The following PTN variants were observed in gnomAD, a reference collection of about 807,000 sequenced individuals.
The protein encoded by PTN is heparin affin regulatory protein.
In PTN, 18 loss-of-function variants were observed where a neutral mutation model predicts 24.1. That is an observed-to-expected ratio of 0.75 (90% confidence interval 0.52 to 1.11). PTN has a LOEUF of 1.11. Ranked by LOEUF, PTN falls within the 50% of genes least tolerant of loss-of-function variation. The pLI is 0.00. For missense variants in PTN, 163 were observed against 198.8 expected (o/e 0.82, Z 1.08); for synonymous variants, 78 against 68.6 (o/e 1.14, Z -0.67).
intron 1 of PTN, among the ~76,000 whole-genome samples, chr7:137,261,291 C>T (rs1224943261): frequency 6.6e-6 from 1 of 151,874 alleles, no homozygotes; most frequent in Non-Finnish European, 1.5e-5. Context: ...TTATTTCCAG[C>T]CCATTTTCTG....
chr7:137,340,341 G>A (rs987636420), intron 1 of PTN, among the ~76,000 whole-genome samples: 12 of 152,042 alleles, frequency 7.9e-5, no homozygotes, highest in Admixed American at 6.6e-4. Context: ...TGCCAAAATA[G>A]AAAGAAAAAG....
At chr7:137,237,386 GTC>G (rs1321215357) in intron 4 of PTN, among the ~76,000 whole-genome samples, 1 of 152,094 alleles carries the variant, frequency 6.6e-6, no homozygotes, top group Non-Finnish European at 1.5e-5. Context: ...AATCTACTGA[GTC>G]TATGGTACTT....
intron 1 of PTN, among the ~76,000 whole-genome samples, chr7:137,279,629 GAAAT>G (rs998872103): frequency 5.2e-4 from 79 of 152,224 alleles, no homozygotes; most frequent in African/African-American, 1.8e-3. Context: ...AGAAAAATTG[GAAAT>G]AAATAAACTA....
intron 1 of PTN, among the ~76,000 whole-genome samples, chr7:137,291,471 C>T (rs1809637889): frequency 6.6e-6 from 1 of 152,088 alleles, no homozygotes; most frequent in Non-Finnish European, 1.5e-5. Context: ...TAGAGCAAGG[C>T]TCACATCTTC....
chr7:137,231,193 A>G (rs921450085), intron 4 of PTN, among the ~76,000 whole-genome samples: 3 of 152,072 alleles, frequency 2.0e-5, no homozygotes, highest in Non-Finnish European at 4.4e-5. Context: ...CCTTGTGTGT[A>G]AAAGCTGATT....
intron 1 of PTN, among the ~76,000 whole-genome samples, chr7:137,264,972 ATTT>A (rs34878730): frequency 4.6e-4 from 58 of 124,910 alleles, no homozygotes; most frequent in African/African-American, 1.3e-3. Context: ...TCCAACTGCC[ATTT>A]TTTTTTTTTT....
chr7:137,262,370 A>G (rs191449745), intron 1 of PTN, among the ~76,000 whole-genome samples: 21 of 152,180 alleles, frequency 1.4e-4, no homozygotes, highest in African/African-American at 4.3e-4. Flanking sequence ...TTCATTTCTA[A>G]AATAGATTTC....
chr7:137,329,289 A>T (rs1481856126), intron 1 of PTN, among the ~76,000 whole-genome samples: 2 of 152,234 alleles, frequency 1.3e-5, no homozygotes, highest in Non-Finnish European at 2.9e-5. Flanking sequence ...ATGAGAAATA[A>T]TAAGAACAGA....
intron 1 of PTN, among the ~76,000 whole-genome samples, chr7:137,255,466 C>T (rs556859373): frequency 3.7e-4 from 57 of 152,154 alleles, no homozygotes; most frequent in Non-Finnish European, 6.2e-4. Flanking sequence ...TCTATTTAGA[C>T]GCATACACAA....
chr7:137,324,355 A>G (rs1810215967), intron 1 of PTN, among the ~76,000 whole-genome samples: 1 of 147,706 alleles, frequency 6.8e-6, no homozygotes, highest in South Asian at 2.1e-4. Context: ...GTAGTGTGCA[A>G]TGATTATGCC....
At chr7:137,228,988 C>A (rs1006796569) in intron 4 of PTN, among the ~76,000 whole-genome samples, 1 of 151,784 alleles carries the variant, frequency 6.6e-6, no homozygotes, top group African/African-American at 2.4e-5. Flanking sequence ...AAGTTTAAAT[C>A]CTGGCCACAT....
At chr7:137,274,167 G>T (rs1274620302) in intron 1 of PTN, among the ~76,000 whole-genome samples, 3 of 152,038 alleles carry the variant, frequency 2.0e-5, no homozygotes, top group African/African-American at 4.8e-5. Context: ...GGCCTGAGAA[G>T]GTGCCCTGAC....
intron 1 of PTN, among the ~76,000 whole-genome samples, chr7:137,340,135 T>C (rs1810511536): frequency 6.6e-6 from 1 of 152,176 alleles, no homozygotes; most frequent in African/African-American, 2.4e-5. Context: ...GAAAAATGAA[T>C]TAAATTTTAT....
intron 1 of PTN, among the ~76,000 whole-genome samples, chr7:137,337,913 T>C (rs1322668068): frequency 6.6e-6 from 1 of 152,176 alleles, no homozygotes; most frequent in Non-Finnish European, 1.5e-5. Flanking sequence ...GCCTATTTTC[T>C]CACTCATTTG....
At chr7:137,228,578 C>T (rs1287230944) in intron 4 of PTN, among the ~76,000 whole-genome samples, 1 of 151,650 alleles carries the variant, frequency 6.6e-6, no homozygotes, top group African/African-American at 2.4e-5. Context: ...CACTCCAGGT[C>T]GGCCCTCTGC....
chr7:137,321,863 C>T (rs1245324913), intron 1 of PTN, among the ~76,000 whole-genome samples: 2 of 152,064 alleles, frequency 1.3e-5, no homozygotes, highest in Non-Finnish European at 2.9e-5. Context: ...ATTTGTTTTA[C>T]TTAAAATAGC....
intron 1 of PTN, among the ~76,000 whole-genome samples, chr7:137,281,600 C>T (rs1463943237): frequency 1.3e-5 from 2 of 152,166 alleles, no homozygotes; most frequent in Non-Finnish European, 2.9e-5. Flanking sequence ...CAGCTGAACT[C>T]TTATTTCTGC....
At chr7:137,311,388 A>G (rs1273563180) in intron 1 of PTN, among the ~76,000 whole-genome samples, 1 of 152,122 alleles carries the variant, frequency 6.6e-6, no homozygotes, top group East Asian at 1.9e-4. Context: ...TTATTCGTGT[A>G]TTTACTGGAG....
chr7:137,246,040 CTG>C (rs1387126409), intron 4 of PTN, among the ~76,000 whole-genome samples: 1 of 152,028 alleles, frequency 6.6e-6, no homozygotes, highest in Non-Finnish European at 1.5e-5. Context: ...CTTAAGTGTA[CTG>C]TGTTTATAGA....
Sources: allele counts gnomAD v4.1 joint callset (sites outside exome capture counted in the v4.1 genomes callset), GRCh38; gene constraint gnomAD v4.1.1; transcripts MANE v1.5; gene names NCBI Gene and HGNC (gene_info 2026-07-23, HGNC 2026-07-21).